Variants in SH3RF3 observed in about 807,000 individuals in gnomAD.
SH3RF3 encodes E3 ubiquitin-protein ligase SH3RF3.
In SH3RF3, 29 loss-of-function variants were observed where a neutral mutation model predicts 66.3. That is an observed-to-expected ratio of 0.44 (90% CI 0.33 to 0.60). The LOEUF is 0.60. Ranked by LOEUF, SH3RF3 falls within the 20% of genes least tolerant of loss-of-function variation. The pLI is 0.04. For missense variants in SH3RF3, 1,194 were observed against 1,190.9 expected, an observed-to-expected ratio of 1.00 and a Z score of -0.04; for synonymous variants, 583 against 532.0, an observed-to-expected ratio of 1.10 and a Z score of -1.32.
chr2:109,487,502 A>G (rs1368348641), intron 8 of SH3RF3, among the ~76,000 whole-genome samples: 1 of 152,240 alleles, frequency 6.6e-6, no homozygotes, highest in African/African-American at 2.4e-5. Context: ...TTTTCTAGCC[A>G]TGACATCAGC....
intron 7 of SH3RF3, among the ~76,000 whole-genome samples, chr2:109,447,913 G>A (rs1216027867): frequency 6.6e-6 from 1 of 152,210 alleles, no homozygotes; most frequent in Non-Finnish European, 1.5e-5. Flanking sequence ...TTGTAAACCT[G>A]GAAGCCCGGT....
chr2:109,286,209 C>G lies in SH3RF3; in HGVS notation c.574-61465C>G, dbSNP rs371261432. On this transcript the variant is annotated intron_variant, in intron 1 of 9. Transcript: ENST00000309415. ...TTCAGTTCTTAAAGTAAGGGCCTGG[C>G]AAAGGGATAGGCAGCATTCTGTTTC... Among the ~76,000 whole-genome samples, 127 of 152,292 alleles carry G rather than the reference C, an allele frequency of 8.3e-4. 1 individual carries two copies. The highest frequency in any genetic ancestry group is 2.9e-3 in the African/African-American group (119 of 41,548).
chr2:109,403,288 T>A (rs1202479155), intron 4 of SH3RF3, among the ~76,000 whole-genome samples: 1 of 152,174 alleles, frequency 6.6e-6, no homozygotes, highest in African/African-American at 2.4e-5. Context: ...CTGTCCCCCA[T>A]CTCTCCTTCG....
At chr2:109,140,850 C>A (rs1274684807) in intron 1 of SH3RF3, among the ~76,000 whole-genome samples, 1 of 152,188 alleles carries the variant, frequency 6.6e-6, no homozygotes, top group East Asian at 1.9e-4. Context: ...CTATCAACAC[C>A]TACACAGTCT....
intron 4 of SH3RF3, among the ~76,000 whole-genome samples, chr2:109,412,070 C>T (rs184336018): frequency 1.3e-5 from 2 of 152,308 alleles, no homozygotes; most frequent in East Asian, 1.9e-4. Context: ...CTCCTGACAC[C>T]GAGCCCTGTG....
intron 1 of SH3RF3, among the ~76,000 whole-genome samples, chr2:109,315,009 G>A (rs1681839023): frequency 6.6e-6 from 1 of 152,170 alleles, no homozygotes; most frequent in Non-Finnish European, 1.5e-5. Flanking sequence ...TGTCCCATAA[G>A]GTAGCCACCG....
At chr2:109,195,004 A>G (rs1265193444) in intron 1 of SH3RF3, among the ~76,000 whole-genome samples, 2 of 152,170 alleles carry the variant, frequency 1.3e-5, no homozygotes, top group Non-Finnish European at 2.9e-5. Flanking sequence ...GAGAACACAC[A>G]GCTTTTTAGA....
intron 1 of SH3RF3, among the ~76,000 whole-genome samples, chr2:109,253,247 G>C (rs1447039500): frequency 1.3e-5 from 2 of 152,158 alleles, no homozygotes; most frequent in Non-Finnish European, 2.9e-5. Flanking sequence ...TTGAACTCCT[G>C]ACCTGAAGTG....
intron 4 of SH3RF3, among the ~76,000 whole-genome samples, chr2:109,401,530 C>A (rs1676313526): frequency 6.6e-6 from 1 of 152,230 alleles, no homozygotes; most frequent in Non-Finnish European, 1.5e-5. Context: ...AGTATCTGGC[C>A]TGTGTCCTGT....
chr2:109,369,629 C>T (rs182423571), intron 2 of SH3RF3, among the ~76,000 whole-genome samples: 4 of 152,270 alleles, frequency 2.6e-5, no homozygotes, highest in African/African-American at 7.2e-5. Context: ...GTGGCCCCCA[C>T]GCTCTACTTG....
intron 3 of SH3RF3, 103 bp from the exon 4 acceptor site, chr2:109,398,487 A>T: frequency 9.6e-7 from 1 of 1,042,682 alleles, no homozygotes; most frequent in Non-Finnish European, 1.4e-6. Context: ...ATTTGAATGC[A>T]TTGCCAGTTT....
At chr2:109,483,998 G>C (rs112206674) in intron 8 of SH3RF3, among the ~76,000 whole-genome samples, 1 of 151,068 alleles carries the variant, frequency 6.6e-6, no homozygotes, top group African/African-American at 2.4e-5. Flanking sequence ...TGCTCCCAGC[G>C]TCCACCAGAC....
At chr2:109,425,804 G>A (rs1349346367) in intron 5 of SH3RF3, among the ~76,000 whole-genome samples, 1 of 152,224 alleles carries the variant, frequency 6.6e-6, no homozygotes, top group Non-Finnish European at 1.5e-5. Context: ...TTTCATGCCT[G>A]CTGACACAGC....
At chr2:109,210,697 G>T (rs1011654822) in intron 1 of SH3RF3, among the ~76,000 whole-genome samples, 1 of 152,194 alleles carries the variant, frequency 6.6e-6, no homozygotes, top group Non-Finnish European at 1.5e-5. Flanking sequence ...CAGGAAGGAG[G>T]TTGGGTTTTC....
intron 1 of SH3RF3, among the ~76,000 whole-genome samples, chr2:109,278,723 G>C (rs1000527858): frequency 5.9e-5 from 9 of 152,210 alleles, no homozygotes; most frequent in Admixed American, 5.2e-4. Context: ...ATGTCTTCAT[G>C]GTGAAAGGCA....
At chr2:109,345,836 T>C (rs1245646686) in intron 1 of SH3RF3, among the ~76,000 whole-genome samples, 1 of 152,236 alleles carries the variant, frequency 6.6e-6, no homozygotes, top group Non-Finnish European at 1.5e-5. Flanking sequence ...CAGGTCATTC[T>C]TTGTGGCAGA....
At chr2:109,413,350 G>GT (rs1260652365) in intron 4 of SH3RF3, among the ~76,000 whole-genome samples, 1 of 152,188 alleles carries the variant, frequency 6.6e-6, no homozygotes, top group African/African-American at 2.4e-5. Context: ...CTGACCTCAG[G>GT]TGATCTGCTT....
At chr2:109,334,031 C>T (rs942769794) in intron 1 of SH3RF3, among the ~76,000 whole-genome samples, 18 of 152,126 alleles carry the variant, frequency 1.2e-4, no homozygotes, top group African/African-American at 4.3e-4. Context: ...AAAGTCCAGT[C>T]GCTTCCTCAA....
At chr2:109,146,021 A>G (rs190537105) in intron 1 of SH3RF3, among the ~76,000 whole-genome samples, 74 of 152,064 alleles carry the variant, frequency 4.9e-4, no homozygotes, top group Non-Finnish European at 4.7e-4. Flanking sequence ...GTCCTTGTCT[A>G]TGTGGGCCGA....
Sources: gnomAD v4.1 joint callset for allele counts (sites outside exome capture counted in the v4.1 genomes callset) on GRCh38, gnomAD v4.1.1 for gene constraint, MANE v1.5 for transcripts, NCBI Gene and HGNC (gene_info 2026-07-23, HGNC 2026-07-21) for gene names.